TMCC1: variants seen among roughly 807,000 people sequenced by gnomAD.
TMCC1 encodes the protein transmembrane and coiled-coil domains protein 1.
In TMCC1, 15 loss-of-function variants were observed where a neutral mutation model predicts 52.4. That is an observed-to-expected ratio of 0.29 (90% CI 0.19 to 0.44). The LOEUF is 0.44. Ranked by LOEUF, TMCC1 falls within the 20% of genes least tolerant of loss-of-function variation. TMCC1 has a pLI of 1.00. For missense variants in TMCC1, 503 were observed against 806.0 expected, an observed-to-expected ratio of 0.62 and a Z score of 4.55; for synonymous variants, 279 against 301.9, an observed-to-expected ratio of 0.92 and a Z score of 0.79.
At chr3:129,888,548 G>C (rs1474034598) in intron 1 of TMCC1, among the ~76,000 whole-genome samples, 1 of 152,168 alleles carries the variant, frequency 6.6e-6, no homozygotes, top group Non-Finnish European at 1.5e-5. Context: ...ATCTTATGTT[G>C]CCAGAAAGGA....
At chr3:129,760,393 G>A (rs1249847266) in intron 4 of TMCC1, among the ~76,000 whole-genome samples, 2 of 127,178 alleles carry the variant, frequency 1.6e-5, no homozygotes, top group East Asian at 2.3e-4. Context: ...GTGCTACCAC[G>A]CCAGGCTAGT....
At chr3:129,806,428 CCAT>C (rs2057469634) in intron 4 of TMCC1, among the ~76,000 whole-genome samples, 1 of 152,206 alleles carries the variant, frequency 6.6e-6, no homozygotes, top group African/African-American at 2.4e-5. Context: ...ATTACCACCA[CCAT>C]CATCCACCCA....
intron 4 of TMCC1, among the ~76,000 whole-genome samples, chr3:129,763,040 T>C (rs2053743106): frequency 6.6e-6 from 1 of 150,630 alleles, no homozygotes. Context: ...CTACTAAAAA[T>C]ACAAAAAATT....
chr3:129,699,846 A>G (rs779537875), intron 4 of TMCC1, among the ~76,000 whole-genome samples: 2 of 152,116 alleles, frequency 1.3e-5, no homozygotes, highest in Non-Finnish European at 2.9e-5. Flanking sequence ...AGGTAGAAAA[A>G]CAGCTTGGGC....
intron 4 of TMCC1, among the ~76,000 whole-genome samples, chr3:129,719,493 T>G (rs1451967767): frequency 6.6e-6 from 1 of 152,214 alleles, no homozygotes; most frequent in Non-Finnish European, 1.5e-5. Flanking sequence ...TACAGCCAGT[T>G]GGTCAGAAGC....
chr3:129,855,040 C>T (rs1329790480), intron 2 of TMCC1, among the ~76,000 whole-genome samples: 1 of 152,180 alleles, frequency 6.6e-6, no homozygotes, highest in South Asian at 2.1e-4. Context: ...GTTCAGTTGC[C>T]AGCAATCACA....
intron 4 of TMCC1, among the ~76,000 whole-genome samples, chr3:129,823,056 T>C (rs1236239133): frequency 6.6e-6 from 1 of 152,232 alleles, no homozygotes; most frequent in Non-Finnish European, 1.5e-5. Flanking sequence ...GCCAGCGCAG[T>C]GGCTCAGGCC....
At chr3:129,735,100 A>C (rs943253125) in intron 4 of TMCC1, among the ~76,000 whole-genome samples, 5 of 151,918 alleles carry the variant, frequency 3.3e-5, no homozygotes, top group Non-Finnish European at 7.4e-5. Context: ...ATGGGGTTTC[A>C]CTGTGTTAGC....
intron 4 of TMCC1, among the ~76,000 whole-genome samples, chr3:129,793,479 G>C (rs1297258351): frequency 6.6e-6 from 1 of 152,180 alleles, no homozygotes; most frequent in Non-Finnish European, 1.5e-5. Context: ...TCTGTATTCA[G>C]GGAATGAACT....
At chr3:129,851,631 G>T (rs1285776964) in intron 2 of TMCC1, among the ~76,000 whole-genome samples, 2 of 152,204 alleles carry the variant, frequency 1.3e-5, no homozygotes, top group Admixed American at 6.5e-5. Flanking sequence ...TTTGTGCATT[G>T]TTGATGGGAA....
intron 5 of TMCC1, among the ~76,000 whole-genome samples, chr3:129,663,646 A>T (rs1007153178): frequency 1.3e-4 from 20 of 152,226 alleles, no homozygotes; most frequent in Non-Finnish European, 2.5e-4. Context: ...TTTCAAGGGT[A>T]GGCAATGAAT....
rs114470045 is a variant in TMCC1 at position 129,823,660 on chromosome 3, T to C, written c.576+4143A>G. Among the ~76,000 whole-genome samples, 1,211 of 152,246 alleles carry C rather than the reference T, an allele frequency of 8.0e-3. 17 individuals are homozygous for C. Among genetic ancestry groups the C allele is most frequent in the African/African-American group, 0.028 (1,169 of 41,542 alleles). Reference sequence around the variant, plus strand: ...CAAACAAACAAACAAAAAAACAGTCTGCAATAGTAATTACCTTACACAAAA... The same window carrying C: ...CAAACAAACAAACAAAAAAACAGTCCGCAATAGTAATTACCTTACACAAAA... On this transcript the variant is annotated intron_variant, in intron 4 of 6. Coordinates refer to ENST00000393238, the MANE Select transcript of TMCC1 (RefSeq NM_001017395.5).
intron 4 of TMCC1, among the ~76,000 whole-genome samples, chr3:129,708,446 T>C (rs62265560): frequency 0.14 from 21,767 of 152,198 alleles, 2,349 homozygotes; most frequent in East Asian, 0.57. Flanking sequence ...GTAGTTTGCA[T>C]CCTGTTTGCT....
intron 4 of TMCC1, among the ~76,000 whole-genome samples, chr3:129,726,104 C>T (rs2050060342): frequency 6.6e-6 from 1 of 152,080 alleles, no homozygotes; most frequent in African/African-American, 2.4e-5. Flanking sequence ...AGGGAATAGG[C>T]ATTAATATGG....
rs2086207882 is a variant in TMCC1, at chr3:129,649,587, T to C, written c.*1894A>G. 1 of 152,580 alleles carries C rather than the reference T, an allele frequency of 6.6e-6. No homozygotes were observed. Among genetic ancestry groups the C allele is most frequent in the South Asian group, 2.1e-4 (1 of 4,832 alleles). 9.5% of individuals were successfully genotyped at this position (152,580 alleles called of 1,614,324 possible). On this transcript the variant is annotated 3_prime_UTR_variant, in exon 7 of 7. Transcript: ENST00000393238. The stretch of plus-strand genomic sequence containing the variant: ...GTAGTTATGGAAACAACATGCTGGC[T>C]CTGAGAAATCCAGCTTGCCAAAGCA...
At chr3:129,785,931 C>CA (rs1179614682) in intron 4 of TMCC1, among the ~76,000 whole-genome samples, 5 of 67,024 alleles carry the variant, frequency 7.5e-5, no homozygotes, top group Admixed American at 7.3e-4. Context: ...TACCCTCACC[C>CA]CCTTTTTTTT....
At chr3:129,741,037 G>A (rs936181835) in intron 4 of TMCC1, among the ~76,000 whole-genome samples, 6 of 152,064 alleles carry the variant, frequency 3.9e-5, no homozygotes, top group African/African-American at 1.4e-4. Flanking sequence ...TGTCTAATAT[G>A]TCTAATAATT....
intron 4 of TMCC1, among the ~76,000 whole-genome samples, chr3:129,753,630 G>A (rs2052730533): frequency 6.6e-6 from 1 of 152,042 alleles, no homozygotes; most frequent in South Asian, 2.1e-4. Context: ...TGCAGAGAAA[G>A]TTTTTACTAA....
chr3:129,852,701 C>T (rs1447864016), intron 2 of TMCC1, among the ~76,000 whole-genome samples: 4 of 152,052 alleles, frequency 2.6e-5, no homozygotes, highest in Non-Finnish European at 5.9e-5. Context: ...TTTTCTGTTA[C>T]GTGTTACCAC....
Sources: gnomAD v4.1 joint callset for allele counts (sites outside exome capture counted in the v4.1 genomes callset) on GRCh38, gnomAD v4.1.1 for gene constraint, MANE v1.5 for transcripts, NCBI Gene and HGNC (gene_info 2026-07-23, HGNC 2026-07-21) for gene names.